Variants in HTR1F observed in about 807,000 individuals in gnomAD.
HTR1F encodes the protein 5-hydroxytryptamine receptor 1F.
HTR1F carries 17 observed loss-of-function variants against 24.0 expected under a neutral mutation model. The ratio of observed to expected loss-of-function variants is 0.71; its 90% CI spans 0.48 to 1.06. The LOEUF (loss-of-function observed/expected upper bound fraction) is 1.06, where lower values mean the gene tolerates loss of function less well. Ranked by LOEUF, HTR1F falls within the 50% of genes least tolerant of loss-of-function variation. The probability of loss-of-function intolerance (pLI) is 0.00; values close to 1 mark genes in which losing one functional copy is unlikely to be tolerated. For synonymous variants in HTR1F, 186 were observed against 156.8 expected (o/e 1.19, Z -1.39); for missense variants, 391 against 427.8 (o/e 0.91, Z 0.76).
chr3:87,893,294 A>C (rs17025129), intron 2 of HTR1F, among the ~76,000 whole-genome samples: 6,611 of 152,278 alleles, frequency 0.043, 448 homozygotes, highest in African/African-American at 0.15. Context: ...ATCAACCCCA[A>C]GCATTAATTC....
chr3:87,969,063 G>A (rs113812248), intron 2 of HTR1F, among the ~76,000 whole-genome samples: 38 of 152,346 alleles, frequency 2.5e-4, no homozygotes, highest in African/African-American at 8.2e-4. Context: ...GGAAACCTCC[G>A]CCTAGATTTC....
At chr3:87,927,514 GTATAT>G (rs1383347504) in intron 2 of HTR1F, among the ~76,000 whole-genome samples, 2 of 151,970 alleles carry the variant, frequency 1.3e-5, no homozygotes, top group African/African-American at 4.8e-5. Flanking sequence ...CCAAAAAAAT[GTATAT>G]TATATTATTT....
At chr3:87,869,424 G>GATACATAC (rs1328483938) in intron 2 of HTR1F, among the ~76,000 whole-genome samples, 1 of 135,652 alleles carries the variant, frequency 7.4e-6, no homozygotes, top group African/African-American at 2.9e-5. Context: ...TAGATAGATA[G>GATACATAC]ATAGATAGAT....
At chr3:87,931,194 C>G (rs138430140) in intron 2 of HTR1F, among the ~76,000 whole-genome samples, 2 of 151,940 alleles carry the variant, frequency 1.3e-5, no homozygotes, top group East Asian at 1.9e-4. Context: ...GCTATCACTC[C>G]CCCCTCCCCC....
At chr3:87,902,883 AT>A (rs1490858491) in intron 2 of HTR1F, among the ~76,000 whole-genome samples, 1 of 151,718 alleles carries the variant, frequency 6.6e-6, no homozygotes, top group Non-Finnish European at 1.5e-5. Flanking sequence ...TTTACTGAGA[AT>A]GACGATTTCC....
At position 87,918,276 on chromosome 3, in the gene HTR1F, A is replaced by G. The variant is rs566731553; in HGVS notation, c.-42-72432A>G. ...CACAGTCAACATATACTGAAAGAGG[A>G]AAAAATGAAAGCATTCCCTCTGAGA... is the stretch of plus-strand genomic sequence containing the variant. On this transcript the variant is annotated intron_variant, in intron 2 of 2. Transcript: ENST00000319595. Among the ~76,000 whole-genome samples, 5 of 152,224 alleles carry G rather than the reference A, an allele frequency of 3.3e-5. No homozygotes were observed. In the South Asian group the frequency reaches 1.0e-3, roughly 32 times the overall value.
intron 2 of HTR1F, among the ~76,000 whole-genome samples, chr3:87,876,712 G>A (rs1705679745): frequency 6.6e-6 from 1 of 152,138 alleles, no homozygotes; most frequent in Non-Finnish European, 1.5e-5. Context: ...ATTGTTCGGT[G>A]GATATAGAGT....
chr3:87,902,967 G>A (rs1050712897), intron 2 of HTR1F, among the ~76,000 whole-genome samples: 10 of 151,388 alleles, frequency 6.6e-5, no homozygotes, highest in Admixed American at 6.6e-4. Context: ...CAGAAATAAT[G>A]CCGCATATCT....
chr3:87,976,549 C>A (rs904759557), intron 2 of HTR1F, among the ~76,000 whole-genome samples: 2 of 152,120 alleles, frequency 1.3e-5, no homozygotes, highest in African/African-American at 4.8e-5. Flanking sequence ...AATTAATTTT[C>A]TTTTGAACAT....
chr3:87,846,485 C>A (rs1038268837), intron 2 of HTR1F, among the ~76,000 whole-genome samples: 1 of 151,726 alleles, frequency 6.6e-6, no homozygotes, highest in Non-Finnish European at 1.5e-5. Flanking sequence ...AAATAGAATA[C>A]CAACTTTATA....
intron 1 of HTR1F, among the ~76,000 whole-genome samples, chr3:87,816,784 A>T (rs1704258159): frequency 6.6e-6 from 1 of 152,134 alleles, no homozygotes; most frequent in East Asian, 1.9e-4. Context: ...AGGTTAACAG[A>T]ATCAGTAAAT....
intron 2 of HTR1F, among the ~76,000 whole-genome samples, chr3:87,915,372 A>G (rs1191188077): frequency 6.6e-6 from 1 of 152,194 alleles, no homozygotes; most frequent in Non-Finnish European, 1.5e-5. Flanking sequence ...ATTACCTGAA[A>G]AAGAATTCAG....
chr3:87,975,322 T>A (rs568161301), intron 2 of HTR1F, among the ~76,000 whole-genome samples: 1 of 152,022 alleles, frequency 6.6e-6, no homozygotes, highest in Non-Finnish European at 1.5e-5. Flanking sequence ...AAATCCAAAT[T>A]TTGGAATCCA....
chr3:87,972,993 T>G (rs150453596), intron 2 of HTR1F, among the ~76,000 whole-genome samples: 1 of 118,886 alleles, frequency 8.4e-6, no homozygotes, highest in African/African-American at 3.0e-5. Flanking sequence ...CAACTCCATC[T>G]CTACTAAAAT....
intron 2 of HTR1F, among the ~76,000 whole-genome samples, chr3:87,946,029 A>G (rs556157796): frequency 1.3e-5 from 2 of 152,318 alleles, no homozygotes; most frequent in Middle Eastern, 3.4e-3. Flanking sequence ...TTATAGCTCT[A>G]TTAGAAGCCG....
intron 2 of HTR1F, among the ~76,000 whole-genome samples, chr3:87,977,779 G>A (rs1705431104): frequency 6.6e-6 from 1 of 151,798 alleles, no homozygotes; most frequent in East Asian, 1.9e-4. Context: ...CTATTATGTG[G>A]GGGAGTCACT....
At chr3:87,914,191 C>A (rs756395042) in intron 2 of HTR1F, among the ~76,000 whole-genome samples, 2 of 152,088 alleles carry the variant, frequency 1.3e-5, no homozygotes, top group African/African-American at 2.4e-5. Context: ...AGCAGGAAAC[C>A]CCTGGAAGCT....
intron 2 of HTR1F, among the ~76,000 whole-genome samples, chr3:87,897,084 T>G (rs1185873882): frequency 6.6e-6 from 1 of 151,998 alleles, no homozygotes; most frequent in Non-Finnish European, 1.5e-5. Context: ...AATAAAATTA[T>G]CACCTGTTAA....
chr3:87,949,433 GCAGCCTCCTGTAAAGGAATACAA>G (rs1160951610), intron 2 of HTR1F, among the ~76,000 whole-genome samples: 5 of 152,184 alleles, frequency 3.3e-5, no homozygotes, highest in African/African-American at 4.8e-5. Flanking sequence ...CTTCAGAAAG[GCAGCCTCCTGTAAAGGAATACAA>G]ATTTCCTTCA....
Sources: gnomAD v4.1 joint callset for allele counts (sites outside exome capture counted in the v4.1 genomes callset) on GRCh38, gnomAD v4.1.1 for gene constraint, MANE v1.5 for transcripts, NCBI Gene and HGNC (gene_info 2026-07-23, HGNC 2026-07-21) for gene names.